POLL: variants seen among roughly 807,000 people sequenced by gnomAD.
POLL encodes DNA polymerase beta-2.
Under a neutral mutation model 58.1 loss-of-function variants are expected in POLL, and 44 were observed. That is an observed-to-expected ratio of 0.76 (90% CI 0.60 to 0.97). The LOEUF (loss-of-function observed/expected upper bound fraction) is 0.97, where lower values mean the gene tolerates loss of function less well. Among genes scored for constraint, POLL ranks in the 50% least tolerant of loss-of-function variants. The pLI, the probability that POLL is intolerant of heterozygous loss-of-function variation, is 0.00. For missense variants in POLL, 632 were observed against 736.8 expected, an observed-to-expected ratio of 0.86 and a Z score of 1.65; for synonymous variants, 290 against 283.2, an observed-to-expected ratio of 1.02 and a Z score of -0.24.
chr10:101,578,960 G>A lies in POLL; in HGVS notation c.*493C>T. 5.8e-6 allele frequency: 1 copy of A among 172,386 alleles called. No individual in the cohort carries two copies. The highest frequency in any genetic ancestry group is 1.3e-5 in the Non-Finnish European group (1 of 79,632). 10.7% of individuals were successfully genotyped at this position (172,386 alleles called of 1,614,324 possible). ...CCAAGGCTGGGGCACCCCATTCCCA[G>A]CACCACCAGCTGCCCAGGAAGCAGG... is the stretch of plus-strand genomic sequence containing the variant. On this transcript the variant is annotated 3_prime_UTR_variant, in exon 9 of 9. Transcript: ENST00000370162.
At chr10:101,581,398 A>C (rs1206715558) in intron 7 of POLL, 3 of 152,222 alleles carry the variant, frequency 2.0e-5, no homozygotes, top group African/African-American at 7.2e-5. Flanking sequence ...ACCATGGCTG[A>C]GTGACGGTGT....
chr10:101,586,342 A>AT (rs2063333273), intron 2 of POLL, among the ~76,000 whole-genome samples, 186 bp from the exon 3 acceptor site: 3 of 152,240 alleles, frequency 2.0e-5, no homozygotes, highest in Non-Finnish European at 4.4e-5. Context: ...CTCACAGGCC[A>AT]GCACTTGAAT....
At position 101,584,488 on chromosome 10, in the gene POLL, T is replaced by A. The variant is rs574556704; in HGVS notation, c.891+114A>T. On this transcript the variant is annotated intron_variant, in intron 5 of 8. Coordinates refer to ENST00000370162, the MANE Select transcript of POLL (RefSeq NM_001174084.2). ...TGCTTTCATCAATTTTCCTTTTTTT[T>A]CTTTTGTGCAAGTCCTAGACCCCAT... 9.7e-6 allele frequency: 6 copies of A among 617,706 alleles called. No homozygotes were observed. The African/African-American group carries it at 1.1e-4, about 12-fold the overall frequency. The allele number at this position is 617,706 out of a possible 1,614,324, so 38.3% of individuals were successfully genotyped here. A position where few individuals can be genotyped will look rare whatever the true frequency, so the allele number is the denominator to read the frequency against.
intron 7 of POLL, 95 bp downstream of exon 7, chr10:101,582,668 G>T: frequency 7.7e-7 from 1 of 1,291,876 alleles, no homozygotes; most frequent in Non-Finnish European, 1.1e-6. Flanking sequence ...TCTGCCTGCT[G>T]TCCTCCCCAG....
At position 101,588,183 on chromosome 10, in the gene POLL, G is replaced by T; in HGVS notation, c.-408C>A. On this transcript the variant is annotated 5_prime_UTR_variant, in exon 1 of 9. Coordinates refer to ENST00000370162, the MANE Select transcript of POLL (RefSeq NM_001174084.2). Reference sequence around the variant, plus strand: ...CTGGCCAAGCTAGTCACCCGGGGGTGGGCAGGAATAGACCACTTACCAGCA... The same window carrying T: ...CTGGCCAAGCTAGTCACCCGGGGGTTGGCAGGAATAGACCACTTACCAGCA... The T allele has an allele frequency of 1.3e-6, 2 of 1,528,962 alleles. No individual in the cohort carries two copies. Among genetic ancestry groups the T allele is most frequent in the East Asian group, 2.5e-5 (1 of 40,492 alleles). The allele number at this position is 1,528,962 out of a possible 1,614,324, so 94.7% of individuals were successfully genotyped here. A position where few individuals can be genotyped will look rare whatever the true frequency, so the allele number is the denominator to read the frequency against.
chr10:101,579,406 G>C lies in POLL; in HGVS notation c.*47C>G, dbSNP rs776146675. 1.3e-6 allele frequency: 2 copies of C among 1,549,262 alleles called. No individual in the cohort carries two copies. Among genetic ancestry groups the C allele is most frequent in the Non-Finnish European group, 1.7e-6 (2 of 1,152,844 alleles). ...TGGAGGGAGTACTGGGTGGCCAGGAGGGGTAGCCAGTCCAACTCGGCTCTC... is the reference window on the plus strand; with the variant it reads ...TGGAGGGAGTACTGGGTGGCCAGGACGGGTAGCCAGTCCAACTCGGCTCTC... On this transcript the variant is annotated 3_prime_UTR_variant, in exon 9 of 9. Coordinates refer to ENST00000370162, the MANE Select transcript of POLL (RefSeq NM_001174084.2). The surrounding 1 kb of genome is among the most constrained non-coding windows in gnomAD (Gnocchi z 4.4).
At position 101,585,316 on chromosome 10, in the gene POLL, C is replaced by G. The variant is rs755070472; in HGVS notation, c.573G>C (p.Gln191His). The G allele has an allele frequency of 1.9e-6, 3 of 1,548,604 alleles. No homozygotes were observed. The highest frequency in any genetic ancestry group is 2.0e-5 in the Admixed American group (1 of 50,802). The change falls in exon 4 of 9, where the codon CAG becomes CAC. Residue 191 changes from glutamine to histidine, a missense_variant and splice_region_variant. By Grantham distance (24) the Gln-to-His change is conservative. Coordinates refer to ENST00000370162, the MANE Select transcript of POLL (RefSeq NM_001174084.2). ...TTCTGAGGGATGGGAGGCTCCTGACCTGGGCTTGGGTGTTTGGTGCCTCTT... is the reference window on the plus strand; with the variant it reads ...TTCTGAGGGATGGGAGGCTCCTGACGTGGGCTTGGGTGTTTGGTGCCTCTT... ...KAKEAPNTQA[Q>H]PISDDEASDG...
At chr10:101,581,793 C>G (rs1313806413) in intron 7 of POLL, 3 of 152,132 alleles carry the variant, frequency 2.0e-5, no homozygotes, top group South Asian at 2.1e-4. Context: ...CTAATTAAAG[C>G]CTAACTTTAA....
chr10:101,585,351 G>A lies in POLL; in HGVS notation c.538C>T (p.Gln180Ter). 1 of 1,594,168 alleles carries A rather than the reference G, an allele frequency of 6.3e-7. No homozygotes were observed. The highest frequency in any genetic ancestry group is 8.5e-7 in the Non-Finnish European group (1 of 1,170,874). ...GTGTTTGGTGCCTCTTTTGCCTTTT[G>A]GGGAGGAGACACAGGCCTGGTGGGA... ...PPPTRPVSPPQKAKEAPNTQA... is the reference protein window; with the variant it reads ...PPPTRPVSPP Residue 180 changes from glutamine to a stop codon, truncating the protein, a stop_gained, in exon 4 of 9, where the codon CAA (glutamine) becomes TAA (stop). Coordinates refer to ENST00000370162, the MANE Select transcript of POLL (RefSeq NM_001174084.2). LOFTEE classifies it high-confidence loss of function.
rs762713679 is a variant in POLL at position 101,579,414 on chromosome 10, C to T, written c.*39G>A. 3 of 1,557,212 alleles carry T rather than the reference C, an allele frequency of 1.9e-6. No individual in the cohort carries two copies. Among genetic ancestry groups the T allele is most frequent in the Non-Finnish European group, 2.6e-6 (3 of 1,155,926 alleles). The stretch of plus-strand genomic sequence containing the variant: ...GTACTGGGTGGCCAGGAGGGGTAGC[C>T]AGTCCAACTCGGCTCTCCTCAGCAC... On this transcript the variant is annotated 3_prime_UTR_variant, in exon 9 of 9. Transcript: ENST00000370162. The surrounding 1 kb of genome is among the most constrained non-coding windows in gnomAD (Gnocchi z 4.4).
rs1449552820 is a variant in POLL, at chr10:101,579,154, C to G, written c.*299G>C. On this transcript the variant is annotated 3_prime_UTR_variant, in exon 9 of 9. Transcript: ENST00000370162. The surrounding 1 kb of genome is among the most constrained non-coding windows in gnomAD (Gnocchi z 4.4). ...ATACCTGGGGCTTCAAACCAGCCAC[C>G]TGCTCCTGCTTAAAATGGGGCAAGG... 7.6e-6 allele frequency: 3 copies of G among 393,496 alleles called. No homozygotes were observed. The highest frequency in any genetic ancestry group is 4.0e-5 in the African/African-American group (2 of 49,764). 24.4% of individuals were successfully genotyped at this position (393,496 alleles called of 1,614,324 possible).
Position 101,583,552 on chromosome 10 carries a change from T to C in POLL, c.1021A>G (p.Ile341Val), listed in dbSNP as rs554844269. Residue 341 changes from isoleucine to valine, a missense_variant, in exon 6 of 9, where the codon ATC becomes GTC. Coordinates refer to ENST00000370162, the MANE Select transcript of POLL (RefSeq NM_001174084.2). ...SVPVLELFSNIWGAGTKTAQM... is the reference protein window; with the variant it reads ...SVPVLELFSNVWGAGTKTAQM... ...GCAGTCTTGGTCCCAGCTCCCCAGA[T>C]GTTGGAGAAGAGCTCCAAGACAGGC... 2.5e-6 allele frequency: 4 copies of C among 1,613,820 alleles called. No individual in the cohort carries two copies. Among genetic ancestry groups the C allele is most frequent in the African/African-American group, 1.3e-5 (1 of 75,012 alleles).
intron 1 of POLL, 167 bp from the exon 2 acceptor site, chr10:101,587,573 TC>T: frequency 1.5e-6 from 2 of 1,295,148 alleles, no homozygotes; most frequent in Non-Finnish European, 2.0e-6. Flanking sequence ...AGCTTCACAC[TC>T]CCCAGCCTTT....
Position 101,579,627 on chromosome 10 carries a change from G to A in POLL, c.1554C>T (p.Ala518=), listed in dbSNP as rs538672191. 6.2e-7 allele frequency: 1 copy of A among 1,614,032 alleles called. No individual in the cohort carries two copies. Among genetic ancestry groups the A allele is most frequent in the South Asian group, 1.1e-5 (1 of 91,086 alleles). The change falls in exon 9 of 9, where the codon GCC becomes GCT. Residue 518 remains alanine, a synonymous_variant. Transcript: ENST00000370162. The surrounding 1 kb of genome is among the most constrained non-coding windows in gnomAD (Gnocchi z 4.4). ...GACTCATGCCCTTGGTTTTGGCCAG[G>A]GCTCGCATGGAGCGGTTGAAGTGTG... ...GSAHFNRSMR[A]LAKTKGMSLS... is the part of the protein sequence containing the mutation.
chr10:101,584,906 T>C lies in POLL; in HGVS notation c.587A>G (p.Asp196Gly), dbSNP rs1306206323. 7.0e-7 allele frequency: 1 copy of C among 1,423,422 alleles called. No individual in the cohort carries two copies. The allele number at this position is 1,423,422 out of a possible 1,614,324, so 88.2% of individuals were successfully genotyped here. A position where few individuals can be genotyped will look rare whatever the true frequency, so the allele number is the denominator to read the frequency against. ...GGTTTCTTCCCCATCACTGGCTTCA[T>C]CATCAGAGATGGGCTTGGGATAGAG... ...PNTQAQPISDDEASDGEETQV... is the reference protein window; with the variant it reads ...PNTQAQPISDGEASDGEETQV... The change falls in exon 5 of 9, where the codon GAT (aspartate) becomes GGT (glycine). Residue 196 changes from aspartate (D) to glycine (G), a missense_variant. Physicochemically the swap from Asp to Gly is moderately conservative, Grantham distance 94. Transcript: ENST00000370162.
At chr10:101,583,238 C>T in intron 6 of POLL, 2 of 594,956 alleles carry the variant, frequency 3.4e-6, no homozygotes, top group Non-Finnish European at 6.0e-6. Context: ...GGCCTGGCCT[C>T]CTCAGGAAGG....
chr10:101,587,081 G>C (rs942339643), intron 2 of POLL, 165 bp downstream of exon 2: 3 of 1,492,880 alleles, frequency 2.0e-6, no homozygotes, highest in Non-Finnish European at 2.8e-6. Context: ...GCCTGTCCAA[G>C]ACCCAGGACC....
In POLL at chr10:101,579,864, G is replaced by C. The variant is rs745813613; in HGVS notation, c.1364-47C>G. The C allele has an allele frequency of 3.8e-6, 6 of 1,573,838 alleles. No individual in the cohort carries two copies. The highest frequency in any genetic ancestry group is 4.3e-6 in the Non-Finnish European group (5 of 1,160,144). On this transcript the variant is annotated intron_variant, in intron 8 of 8. Transcript: ENST00000370162. The surrounding 1 kb of genome is among the most constrained non-coding windows in gnomAD (Gnocchi z 4.4). ...CTGGGAGGGCAGGGAACCAGGCCTG[G>C]GCTGTCCCATCCTCCCAGGTCTCTC...
rs1371068579 is a variant in POLL, at chr10:101,588,176, C to T, written c.-401G>A. On this transcript the variant is annotated 5_prime_UTR_variant, in exon 1 of 9. Transcript: ENST00000370162. ...TCGACTACTGGCCAAGCTAGTCACC[C>T]GGGGGTGGGCAGGAATAGACCACTT... 5.2e-6 allele frequency: 8 copies of T among 1,525,476 alleles called. No individual in the cohort carries two copies. In the East Asian group the frequency reaches 2.0e-4, roughly 38 times the overall value. 94.5% of individuals were successfully genotyped at this position (1,525,476 alleles called of 1,614,324 possible).
Sources: gnomAD v4.1 joint callset for allele counts (sites outside exome capture counted in the v4.1 genomes callset) on GRCh38, gnomAD v4.1.1 for gene constraint, Gnocchi (gnomAD v3.1) non-coding constraint, MANE v1.5 for transcripts, NCBI Gene and HGNC (gene_info 2026-07-23, HGNC 2026-07-21) for gene names.